PLXDC2: variants seen among roughly 807,000 people sequenced by gnomAD.
PLXDC2 encodes the protein plexin domain containing 2.
In PLXDC2, 40 loss-of-function variants were observed where a neutral mutation model predicts 68.9. That is an observed-to-expected ratio of 0.58 (90% CI 0.45 to 0.76). The LOEUF is 0.76. Among genes scored for constraint, PLXDC2 ranks in the 30% least tolerant of loss-of-function variants. The pLI is 0.00. For synonymous variants in PLXDC2, 243 were observed against 234.2 expected (o/e 1.04, Z -0.34); for missense variants, 644 against 661.9 (o/e 0.97, Z 0.30).
chr10:20,016,568 A>G (rs1033192449), intron 2 of PLXDC2, among the ~76,000 whole-genome samples: 1 of 152,224 alleles, frequency 6.6e-6, no homozygotes, highest in African/African-American at 2.4e-5. Flanking sequence ...GAAGAAAAAC[A>G]GAGGAAAGTA....
chr10:20,271,714 T>A (rs892011187), intron 13 of PLXDC2, among the ~76,000 whole-genome samples: 5 of 152,126 alleles, frequency 3.3e-5, no homozygotes, highest in Admixed American at 1.3e-4. Flanking sequence ...GAATGCAGGC[T>A]GGCAGGAAGT....
At chr10:20,240,557 A>AT (rs1310067974) in intron 12 of PLXDC2, among the ~76,000 whole-genome samples, 1 of 152,128 alleles carries the variant, frequency 6.6e-6, no homozygotes, top group Non-Finnish European at 1.5e-5. Flanking sequence ...AAATCAAAGC[A>AT]TATCAATGAA....
chr10:19,869,279 C>T (rs1837486301), intron 1 of PLXDC2, among the ~76,000 whole-genome samples: 1 of 151,776 alleles, frequency 6.6e-6, no homozygotes, highest in African/African-American at 2.4e-5. Flanking sequence ...CAAAAATTAA[C>T]CAGGTGTGGT....
intron 1 of PLXDC2, among the ~76,000 whole-genome samples, chr10:19,944,449 G>T (rs1833868441): frequency 6.6e-6 from 1 of 151,940 alleles, no homozygotes; most frequent in Admixed American, 6.6e-5. Flanking sequence ...TATTGTTGTA[G>T]GGTTTAGTGA....
intron 2 of PLXDC2, among the ~76,000 whole-genome samples, chr10:20,019,927 G>A (rs1003485354): frequency 7.2e-5 from 11 of 152,126 alleles, no homozygotes; most frequent in South Asian, 2.1e-4. Flanking sequence ...ACTTCCATCC[G>A]TTGAACACCT....
In PLXDC2 at chr10:20,102,253, T is replaced by C. The variant is rs199744469; in HGVS notation, c.541+34014T>C. Among the ~76,000 whole-genome samples the C allele has an allele frequency of 1.2e-4, 19 of 152,354 alleles. No homozygotes were observed. The East Asian group carries it at 2.7e-3, about 22-fold the overall frequency. On this transcript the variant is annotated intron_variant, in intron 4 of 13. Transcript: ENST00000377252. ...CCACAATCTACATTCCATGTTATTA[T>C]TCCGCCTAGACAACATCTTACATAT...
chr10:19,919,986 AC>A (rs1833432089), intron 1 of PLXDC2, among the ~76,000 whole-genome samples: 1 of 151,988 alleles, frequency 6.6e-6, no homozygotes, highest in East Asian at 1.9e-4. Flanking sequence ...AACTTTACCC[AC>A]CCCCAAACAC....
intron 1 of PLXDC2, among the ~76,000 whole-genome samples, chr10:19,939,245 C>A (rs1833776924): frequency 6.6e-6 from 1 of 152,254 alleles, no homozygotes; most frequent in Non-Finnish European, 1.5e-5. Context: ...ATGAAACAGC[C>A]ATTTCTAGGC....
At chr10:19,898,384 G>A (rs1445458787) in intron 1 of PLXDC2, among the ~76,000 whole-genome samples, 6 of 152,070 alleles carry the variant, frequency 3.9e-5, no homozygotes, top group Non-Finnish European at 7.4e-5. Context: ...TCTTTCTCGC[G>A]CTGCACTTAC....
At position 20,018,475 on chromosome 10, in the gene PLXDC2, T is replaced by C. The variant is rs1366082888; in HGVS notation, c.324+16489T>C. Reference sequence around the variant, plus strand: ...GAAATGGAAGATAGTTTTAGAGCTCTCATCTCCACTAGTGATTTTGAAGAG... The same window carrying C: ...GAAATGGAAGATAGTTTTAGAGCTCCCATCTCCACTAGTGATTTTGAAGAG... On this transcript the variant is annotated intron_variant, in intron 2 of 13. Coordinates refer to ENST00000377252, the MANE Select transcript of PLXDC2 (RefSeq NM_032812.9). 4.6e-5 allele frequency among the ~76,000 whole-genome samples: 7 copies of C among 152,346 alleles called. No homozygotes were observed. The East Asian group carries it at 1.2e-3, about 25-fold the overall frequency.
intron 4 of PLXDC2, among the ~76,000 whole-genome samples, chr10:20,119,209 C>T (rs527675267): frequency 4.6e-5 from 7 of 152,144 alleles, no homozygotes; most frequent in South Asian, 4.2e-4. Context: ...AATTTTCATG[C>T]GTGTCTGTGT....
intron 3 of PLXDC2, among the ~76,000 whole-genome samples, chr10:20,067,483 C>T (rs150912527): frequency 0.013 from 2,030 of 152,082 alleles, 50 homozygotes; most frequent in African/African-American, 0.047. Flanking sequence ...GTCAGGAGTT[C>T]GAGACCAGCC....
In PLXDC2 at chr10:19,944,189, G is replaced by A. The variant is rs190192503; in HGVS notation, c.113-57586G>A. Reference sequence around the variant, plus strand: ...TGATGGTAGTAAATATTCTCCCGAAGAATAGAGAAGTGAAAGGTATAATCC... The same window carrying A: ...TGATGGTAGTAAATATTCTCCCGAAAAATAGAGAAGTGAAAGGTATAATCC... On this transcript the variant is annotated intron_variant, in intron 1 of 13. Coordinates refer to ENST00000377252, the MANE Select transcript of PLXDC2 (RefSeq NM_032812.9). 7.3e-3 allele frequency among the ~76,000 whole-genome samples: 1,112 copies of A among 152,244 alleles called. 8 individuals are homozygous for A. The highest frequency in any genetic ancestry group is 0.019 in the South Asian group (93 of 4,824).
intron 2 of PLXDC2, among the ~76,000 whole-genome samples, chr10:20,010,660 G>A (rs1054306902): frequency 2.0e-5 from 3 of 152,164 alleles, no homozygotes; most frequent in African/African-American, 7.2e-5. Flanking sequence ...GATACATGCA[G>A]GTTGTAAAAT....
chr10:19,933,548 G>T (rs1833674608), intron 1 of PLXDC2, among the ~76,000 whole-genome samples: 1 of 152,004 alleles, frequency 6.6e-6, no homozygotes, highest in African/African-American at 2.4e-5. Flanking sequence ...GCAGAGAATT[G>T]CTTGAACCCT....
chr10:20,068,100 A>G, intron 3 of PLXDC2, 70 bp from the exon 4 acceptor site: 1 of 1,344,680 alleles, frequency 7.4e-7, no homozygotes, highest in Non-Finnish European at 1.0e-6. Flanking sequence ...GTTTTAAGTG[A>G]AAGGCTCTTC....
intron 13 of PLXDC2, among the ~76,000 whole-genome samples, chr10:20,255,883 A>G (rs1835735749): frequency 6.6e-6 from 1 of 152,036 alleles, no homozygotes; most frequent in Non-Finnish European, 1.5e-5. Context: ...ATCTTGTGGT[A>G]ATCCCTTTAT....
intron 2 of PLXDC2, among the ~76,000 whole-genome samples, chr10:20,035,807 A>G (rs1052954386): frequency 6.6e-6 from 1 of 152,220 alleles, no homozygotes; most frequent in Admixed American, 6.5e-5. Flanking sequence ...AGTAGTCACA[A>G]GCTGGTAGAA....
chr10:20,016,378 A>T (rs528591782), intron 2 of PLXDC2, among the ~76,000 whole-genome samples: 2 of 152,222 alleles, frequency 1.3e-5, no homozygotes, highest in Admixed American at 1.3e-4. Flanking sequence ...ATGTGACAAG[A>T]AGTAGAACTA....
Sources: allele counts gnomAD v4.1 joint callset (sites outside exome capture counted in the v4.1 genomes callset), GRCh38; gene constraint gnomAD v4.1.1; transcripts MANE v1.5; gene names NCBI Gene and HGNC (gene_info 2026-07-23, HGNC 2026-07-21).